MAPK10: variants seen among roughly 807,000 people sequenced by gnomAD.
The protein encoded by MAPK10 is JNK3 alpha protein kinase.
Under a neutral mutation model 59.3 loss-of-function variants are expected in MAPK10, and 25 were observed. The observed-to-expected ratio is 0.42, with a 90% CI of 0.31 to 0.59. The LOEUF is 0.59. Ranked by LOEUF, MAPK10 falls within the 20% of genes least tolerant of loss-of-function variation. MAPK10 has a pLI of 0.15. For synonymous variants in MAPK10, 190 were observed against 200.5 expected, an observed-to-expected ratio of 0.95 and a Z score of 0.44; for missense variants, 351 against 568.9, an observed-to-expected ratio of 0.62 and a Z score of 3.90.
intron 3 of MAPK10, among the ~76,000 whole-genome samples, chr4:86,170,630 C>T (rs372701815): frequency 0.023 from 3,529 of 151,992 alleles, 60 homozygotes; most frequent in Middle Eastern, 0.051. Flanking sequence ...TAATGGGAGA[C>T]TTTAACACCC....
intron 2 of MAPK10, among the ~76,000 whole-genome samples, chr4:86,339,279 G>T (rs904383588): frequency 6.6e-6 from 1 of 152,158 alleles, no homozygotes; most frequent in Non-Finnish European, 1.5e-5. Flanking sequence ...GGCTAAATAA[G>T]ACTGGAAATA....
At chr4:86,144,068 C>A (rs1239655868) in intron 4 of MAPK10, among the ~76,000 whole-genome samples, 1 of 151,940 alleles carries the variant, frequency 6.6e-6, no homozygotes, top group Non-Finnish European at 1.5e-5. Context: ...GAGAAGGTGC[C>A]AAATTACTGG....
At chr4:86,548,931 C>T (rs145877177) in intron 1 of MAPK10, among the ~76,000 whole-genome samples, 171 of 152,224 alleles carry the variant, frequency 1.1e-3, no homozygotes, top group African/African-American at 3.7e-3. Flanking sequence ...CACTGTAAGG[C>T]CCGACTAAAT....
chr4:86,565,745 A>G (rs1267559376), intron 1 of MAPK10, among the ~76,000 whole-genome samples: 1 of 152,112 alleles, frequency 6.6e-6, no homozygotes, highest in Non-Finnish European at 1.5e-5. Context: ...CCATCTTCCT[A>G]TTTAAATTTC....
chr4:86,041,468 A>ACCG, intron 11 of MAPK10, among the ~76,000 whole-genome samples: 2 of 152,188 alleles, frequency 1.3e-5, no homozygotes, highest in African/African-American at 4.8e-5. Flanking sequence ...CAACAAAAGA[A>ACCG]AAATTGACAA....
intron 11 of MAPK10, among the ~76,000 whole-genome samples, chr4:86,039,645 T>C (rs549028766): frequency 2.0e-5 from 3 of 152,274 alleles, no homozygotes; most frequent in Non-Finnish European, 4.4e-5. Context: ...CCTATAATCC[T>C]GGACATCAGA....
intron 1 of MAPK10, among the ~76,000 whole-genome samples, chr4:86,461,933 C>A (rs1326222556): frequency 6.6e-6 from 1 of 152,142 alleles, no homozygotes; most frequent in Non-Finnish European, 1.5e-5. Flanking sequence ...TTAGCATACA[C>A]CCCCCAAATC....
chr4:86,587,212 G>T (rs1310955537), intron 1 of MAPK10, among the ~76,000 whole-genome samples: 1 of 152,162 alleles, frequency 6.6e-6, no homozygotes, highest in Non-Finnish European at 1.5e-5. Flanking sequence ...GCCAAGATTT[G>T]TACTTAGGTT....
intron 2 of MAPK10, among the ~76,000 whole-genome samples, chr4:86,215,881 G>C (rs1033482541): frequency 6.6e-6 from 1 of 152,020 alleles, no homozygotes; most frequent in Non-Finnish European, 1.5e-5. Flanking sequence ...AACTATTCAA[G>C]TATTCAAGTT....
chr4:86,127,180 T>A, intron 4 of MAPK10, among the ~76,000 whole-genome samples: 1 of 143,860 alleles, frequency 7.0e-6, no homozygotes, highest in East Asian at 2.1e-4. Flanking sequence ...CATAAAGTTG[T>A]TAGGAGAATT....
chr4:86,145,035 T>C (rs2064562609), intron 4 of MAPK10, among the ~76,000 whole-genome samples: 1 of 152,172 alleles, frequency 6.6e-6, no homozygotes, highest in Non-Finnish European at 1.5e-5. Context: ...ATAAAGCACT[T>C]CTACCAATTA....
At chr4:86,283,347 C>T (rs2094887305) in intron 2 of MAPK10, among the ~76,000 whole-genome samples, 4 of 152,142 alleles carry the variant, frequency 2.6e-5, no homozygotes. Flanking sequence ...CAAAGCTGAT[C>T]AATATAATCT....
intron 1 of MAPK10, among the ~76,000 whole-genome samples, chr4:86,554,064 A>C (rs1026364995): frequency 2.0e-5 from 3 of 152,032 alleles, no homozygotes; most frequent in African/African-American, 7.2e-5. Flanking sequence ...AAAAGACAGA[A>C]AGGGGAGGAG....
chr4:86,131,152 A>G (rs543286097), intron 4 of MAPK10, among the ~76,000 whole-genome samples: 2 of 152,282 alleles, frequency 1.3e-5, no homozygotes, highest in South Asian at 4.1e-4. Flanking sequence ...AAGTGCTAGT[A>G]TCAAATCAAA....
chr4:86,022,227 G>T (rs1350133829), intron 13 of MAPK10, among the ~76,000 whole-genome samples: 1 of 152,178 alleles, frequency 6.6e-6, no homozygotes, highest in Non-Finnish European at 1.5e-5. Flanking sequence ...CAGTATATGA[G>T]GATTCCAATT....
chr4:86,183,408 C>T lies in MAPK10; in HGVS notation c.66+10928G>A, dbSNP rs539437707. On this transcript the variant is annotated intron_variant, in intron 3 of 13. Transcript: ENST00000641462. ...TGCAGTGTTTGGTTTTTTGTCCTTGCGATAGTTTGCTGAGAATGATGGCTT... is the reference window on the plus strand; with the variant it reads ...TGCAGTGTTTGGTTTTTTGTCCTTGTGATAGTTTGCTGAGAATGATGGCTT... 4.0e-5 allele frequency among the ~76,000 whole-genome samples: 6 copies of T among 151,060 alleles called. No individual in the cohort carries two copies. The East Asian group carries it at 5.9e-4, about 15-fold the overall frequency.
At chr4:86,407,797 T>C (rs1341067970) in intron 1 of MAPK10, among the ~76,000 whole-genome samples, 1 of 152,202 alleles carries the variant, frequency 6.6e-6, no homozygotes, top group Non-Finnish European at 1.5e-5. Context: ...CTCATTTGTA[T>C]GGCTTTTTTT....
At chr4:86,557,449 A>C (rs1760354737) in intron 1 of MAPK10, among the ~76,000 whole-genome samples, 1 of 152,194 alleles carries the variant, frequency 6.6e-6, no homozygotes, top group East Asian at 1.9e-4. Context: ...ATCTAAGAAA[A>C]GTAGAACTCT....
chr4:86,071,243 GT>G lies in MAPK10; in HGVS notation c.803-3289del, dbSNP rs1470927414. On this transcript the variant is annotated intron_variant, in intron 9 of 13. Coordinates refer to ENST00000641462, the MANE Select transcript of MAPK10 (RefSeq NM_138982.4). Reference sequence around the variant, plus strand: ...CGCCCACTTTTTAATGGGGTTGTTTGTTTTTTTCTTGTAAATTTGTTTGAGT... The same window carrying G: ...CGCCCACTTTTTAATGGGGTTGTTTGTTTTTTCTTGTAAATTTGTTTGAGT... 1.3e-5 allele frequency among the ~76,000 whole-genome samples: 2 copies of G among 151,668 alleles called. 1 individual carries two copies. The highest frequency in any genetic ancestry group is 4.9e-5 in the African/African-American group (2 of 41,226).
Sources: gnomAD v4.1 joint callset for allele counts (sites outside exome capture counted in the v4.1 genomes callset) on GRCh38, gnomAD v4.1.1 for gene constraint, MANE v1.5 for transcripts, NCBI Gene and HGNC (gene_info 2026-07-23, HGNC 2026-07-21) for gene names.